CRADD: variants seen among roughly 807,000 people sequenced by gnomAD.
The protein encoded by CRADD is death domain-containing protein CRADD.
CRADD carries 9 observed loss-of-function variants against 15.5 expected under a neutral mutation model. The observed-to-expected ratio is 0.58, with a 90% confidence interval of 0.35 to 1.01. The LOEUF (loss-of-function observed/expected upper bound fraction) is 1.01. CRADD is among the 50% of genes least tolerant of loss of function. The pLI, the probability that CRADD is intolerant of heterozygous loss-of-function variation, is 0.02. For synonymous variants in CRADD, 118 were observed against 107.6 expected (o/e 1.10, Z -0.60); for missense variants, 227 against 250.3 (o/e 0.91, Z 0.63).
At chr12:93,832,356 A>C (rs558349586) in intron 2 of CRADD, among the ~76,000 whole-genome samples, 1 of 152,322 alleles carries the variant, frequency 6.6e-6, no homozygotes, top group African/African-American at 2.4e-5. Context: ...CTTACTGCCA[A>C]GCCACTCAAC....
At chr12:93,794,373 C>T (rs1957388424) in intron 2 of CRADD, among the ~76,000 whole-genome samples, 2 of 151,774 alleles carry the variant, frequency 1.3e-5, no homozygotes, top group African/African-American at 4.8e-5. Context: ...TAATCCCAGC[C>T]TTACTTTCTT....
chr12:93,812,847 T>C (rs1410754107), intron 2 of CRADD, among the ~76,000 whole-genome samples: 1 of 152,246 alleles, frequency 6.6e-6, no homozygotes, highest in Admixed American at 6.5e-5. Flanking sequence ...CTTGGTTAGT[T>C]ATAATGCTAT....
chr12:93,710,135 T>C (rs564699695), intron 2 of CRADD, among the ~76,000 whole-genome samples: 2 of 152,306 alleles, frequency 1.3e-5, no homozygotes, highest in South Asian at 4.1e-4. Context: ...GCATCACTAA[T>C]ACAGCAGATG....
At chr12:93,767,365 CT>C (rs1288326160) in intron 2 of CRADD, among the ~76,000 whole-genome samples, 4 of 152,168 alleles carry the variant, frequency 2.6e-5, no homozygotes, top group Admixed American at 6.5e-5. Flanking sequence ...CCTTGTTTCA[CT>C]TTGTGTTTCC....
chr12:93,778,723 GTT>G (rs199532871), intron 2 of CRADD, among the ~76,000 whole-genome samples: 11 of 130,364 alleles, frequency 8.4e-5, no homozygotes, highest in Non-Finnish European at 8.4e-5. Flanking sequence ...TTTTTGGTTG[GTT>G]TTTTTTTTTT....
chr12:93,823,888 G>A (rs1957795737), intron 2 of CRADD, among the ~76,000 whole-genome samples: 1 of 152,196 alleles, frequency 6.6e-6, no homozygotes, highest in Admixed American at 6.5e-5. Context: ...AAACCTAGCT[G>A]CACAGGCCGG....
At chr12:93,885,766 C>T (rs1029299350) in intron 2 of CRADD, among the ~76,000 whole-genome samples, 1 of 152,188 alleles carries the variant, frequency 6.6e-6, no homozygotes, top group Non-Finnish European at 1.5e-5. Flanking sequence ...GGGCCAGGCA[C>T]AGTGGCTCAC....
intron 2 of CRADD, among the ~76,000 whole-genome samples, chr12:93,710,288 A>G (rs1956038196): frequency 6.6e-6 from 1 of 150,918 alleles, no homozygotes; most frequent in African/African-American, 2.4e-5. Flanking sequence ...ACCTTACAGC[A>G]TGGTGGCTGG....
At chr12:93,821,533 T>C (rs1957769629) in intron 2 of CRADD, among the ~76,000 whole-genome samples, 1 of 152,224 alleles carries the variant, frequency 6.6e-6, no homozygotes, top group Non-Finnish European at 1.5e-5. Context: ...TTAATTATCC[T>C]TCCTGCTGTG....
At chr12:93,828,901 G>A (rs945732734) in intron 2 of CRADD, among the ~76,000 whole-genome samples, 7 of 152,016 alleles carry the variant, frequency 4.6e-5, no homozygotes, top group Admixed American at 3.9e-4. Context: ...CATTTTGATC[G>A]GGAGTGATTG....
intron 2 of CRADD, among the ~76,000 whole-genome samples, chr12:93,788,785 C>T (rs370557321): frequency 6.6e-6 from 1 of 152,110 alleles, no homozygotes; most frequent in South Asian, 2.1e-4. Context: ...TCAGTTTTCC[C>T]ACCATTTAAG....
At chr12:93,706,521 G>T (rs1955955716) in intron 2 of CRADD, among the ~76,000 whole-genome samples, 1 of 152,166 alleles carries the variant, frequency 6.6e-6, no homozygotes, top group Non-Finnish European at 1.5e-5. Context: ...ATGTCTTGAA[G>T]GTAGTCGGGG....
chr12:93,817,594 T>C (rs977566682), intron 2 of CRADD, among the ~76,000 whole-genome samples: 3 of 152,140 alleles, frequency 2.0e-5, no homozygotes, highest in Non-Finnish European at 2.9e-5. Flanking sequence ...CTTCTTTTCC[T>C]CTTCTTCATG....
intron 2 of CRADD, among the ~76,000 whole-genome samples, chr12:93,789,303 G>A (rs1291181138): frequency 6.6e-6 from 1 of 152,246 alleles, no homozygotes; most frequent in African/African-American, 2.4e-5. Flanking sequence ...TGCTTCAGGG[G>A]AAAGGTGGTC....
intron 2 of CRADD, among the ~76,000 whole-genome samples, chr12:93,875,101 T>G (rs1307989084): frequency 2.6e-5 from 4 of 152,116 alleles, no homozygotes; most frequent in African/African-American, 9.7e-5. Context: ...GATGCTTCAG[T>G]GTTGAGTCCA....
chr12:93,857,496 C>G (rs1207195389), intron 2 of CRADD, among the ~76,000 whole-genome samples: 1 of 152,140 alleles, frequency 6.6e-6, no homozygotes, highest in Non-Finnish European at 1.5e-5. Context: ...CTGGTGTGTG[C>G]CCTGGCCAAG....
chr12:93,874,462 T>C (rs1340538744), intron 2 of CRADD, among the ~76,000 whole-genome samples: 1 of 152,036 alleles, frequency 6.6e-6, no homozygotes, highest in African/African-American at 2.4e-5. Context: ...TTATTTCTTT[T>C]CTTCTACCAA....
At chr12:93,852,130 G>T (rs1411758736), downstream of CRADD, among the ~76,000 whole-genome samples, 1 of 152,136 alleles carries the variant, frequency 6.6e-6, no homozygotes, top group African/African-American at 2.4e-5. Flanking sequence ...TACTGCTGTG[G>T]CATCTTCAGT....
intron 2 of CRADD, among the ~76,000 whole-genome samples, chr12:93,747,388 G>C (rs1297642012): frequency 6.6e-6 from 1 of 152,040 alleles, no homozygotes; most frequent in African/African-American, 2.4e-5. Flanking sequence ...AAGCAAGGGT[G>C]AGTATTATTC....
Sources: allele counts gnomAD v4.1 joint callset (sites outside exome capture counted in the v4.1 genomes callset), GRCh38; gene constraint gnomAD v4.1.1; transcripts MANE v1.5; gene names NCBI Gene and HGNC (gene_info 2026-07-23, HGNC 2026-07-21).